HTR1F: variants seen among roughly 807,000 people sequenced by gnomAD.
HTR1F encodes the protein 5-hydroxytryptamine (serotonin) receptor 1F, G protein-coupled.
Under a neutral mutation model 24.0 loss-of-function variants are expected in HTR1F, and 17 were observed. The ratio of observed to expected loss-of-function variants is 0.71; its 90% CI spans 0.48 to 1.06. HTR1F has a LOEUF of 1.06. Ranked by LOEUF, HTR1F falls within the 50% of genes least tolerant of loss-of-function variation. The pLI is 0.00. For synonymous variants in HTR1F, 186 were observed against 156.8 expected, an observed-to-expected ratio of 1.19 and a Z score of -1.39; for missense variants, 391 against 427.8, an observed-to-expected ratio of 0.91 and a Z score of 0.76.
At chr3:87,892,390 A>C (rs1706104427) in intron 2 of HTR1F, among the ~76,000 whole-genome samples, 1 of 149,494 alleles carries the variant, frequency 6.7e-6, no homozygotes, top group African/African-American at 2.4e-5. Flanking sequence ...AAAATTTTTC[A>C]GTTTAATATC....
At chr3:87,805,942 T>A (rs1467884899) in intron 1 of HTR1F, among the ~76,000 whole-genome samples, 1 of 152,104 alleles carries the variant, frequency 6.6e-6, no homozygotes, top group Non-Finnish European at 1.5e-5. Flanking sequence ...TTGCCCCATT[T>A]ACATGCACAT....
chr3:87,840,225 G>A (rs1337099654), intron 2 of HTR1F, among the ~76,000 whole-genome samples: 1 of 151,970 alleles, frequency 6.6e-6, no homozygotes, highest in African/African-American at 2.4e-5. Flanking sequence ...TTGTTGACTT[G>A]TTTAAGACCC....
intron 2 of HTR1F, among the ~76,000 whole-genome samples, chr3:87,957,801 C>A (rs1704976863): frequency 6.6e-6 from 1 of 151,182 alleles, no homozygotes; most frequent in Non-Finnish European, 1.5e-5. Context: ...AGTCTAATTA[C>A]TGATTAAAAG....
intron 2 of HTR1F, among the ~76,000 whole-genome samples, chr3:87,963,383 CAAG>C (rs998911876): frequency 6.6e-6 from 1 of 152,068 alleles, no homozygotes; most frequent in Non-Finnish European, 1.5e-5. Flanking sequence ...TTATATTAGT[CAAG>C]AAGAAGATGC....
intron 2 of HTR1F, among the ~76,000 whole-genome samples, chr3:87,915,404 C>A (rs1703871384): frequency 6.6e-6 from 1 of 152,054 alleles, no homozygotes; most frequent in Non-Finnish European, 1.5e-5. Flanking sequence ...TTAAGCTAAT[C>A]AGGGAAGCAC....
rs111991118 is a variant in HTR1F, at chr3:87,798,688, C to T, written c.-160+5846C>T. Among the ~76,000 whole-genome samples the T allele has an allele frequency of 4.0e-3, 602 of 152,250 alleles. 7 individuals carry two copies. The highest frequency in any genetic ancestry group is 0.014 in the African/African-American group (571 of 41,542). The stretch of plus-strand genomic sequence containing the variant: ...AGGCCGGATTCCACTCCCACGATCC[C>T]ATGAAACTACTTTGGCAATAGTCAC... On this transcript the variant is annotated intron_variant, in intron 1 of 2. Transcript: ENST00000319595.
intron 2 of HTR1F, among the ~76,000 whole-genome samples, chr3:87,930,414 G>A (rs1237493847): frequency 6.6e-6 from 1 of 152,180 alleles, no homozygotes; most frequent in Non-Finnish European, 1.5e-5. Flanking sequence ...GATGTTGGCT[G>A]TGGGTTTGTC....
At chr3:87,872,895 T>C (rs76405889) in intron 2 of HTR1F, among the ~76,000 whole-genome samples, 1 of 152,030 alleles carries the variant, frequency 6.6e-6, no homozygotes, top group African/African-American at 2.4e-5. Flanking sequence ...CTTCTCTAAC[T>C]CTCCAAAAAA....
At chr3:87,841,115 T>G (rs1477967225) in intron 2 of HTR1F, among the ~76,000 whole-genome samples, 3 of 151,412 alleles carry the variant, frequency 2.0e-5, no homozygotes, top group Non-Finnish European at 3.0e-5. Context: ...TTTGAGATCA[T>G]ACATATGCTT....
chr3:87,960,107 A>G (rs1325571403), intron 2 of HTR1F, among the ~76,000 whole-genome samples: 10 of 145,874 alleles, frequency 6.9e-5, no homozygotes, highest in Admixed American at 4.7e-4. Flanking sequence ...TAAAATCCCA[A>G]CGCCTCTGCC....
At chr3:87,869,018 G>T (rs912979234) in intron 2 of HTR1F, among the ~76,000 whole-genome samples, 1 of 151,876 alleles carries the variant, frequency 6.6e-6, no homozygotes, top group Admixed American at 6.6e-5. Flanking sequence ...TTCAAATGTT[G>T]CTATTATACA....
At position 87,978,185 on chromosome 3, in the gene HTR1F, A is replaced by G. The variant is rs116226004; in HGVS notation, c.-42-12523A>G. ...GCACCCACCTCTGGATGAGGGGAAC[A>G]TGGTGGCACTCAGAAGGTTGAAGAC... On this transcript the variant is annotated intron_variant, in intron 2 of 2. Transcript: ENST00000319595. Among the ~76,000 whole-genome samples the G allele has an allele frequency of 7.5e-3, 1,145 of 152,266 alleles. 17 individuals are homozygous for G. Among genetic ancestry groups the G allele is most frequent in the African/African-American group, 0.026 (1,071 of 41,560 alleles).
intron 2 of HTR1F, among the ~76,000 whole-genome samples, chr3:87,900,377 G>C (rs762985499): frequency 3.3e-5 from 5 of 152,200 alleles, no homozygotes; most frequent in Non-Finnish European, 7.3e-5. Flanking sequence ...GGAGCTGAGT[G>C]GATGAAGGAA....
intron 2 of HTR1F, among the ~76,000 whole-genome samples, chr3:87,913,826 C>T (rs765234739): frequency 9.2e-5 from 14 of 152,224 alleles, no homozygotes; most frequent in South Asian, 2.1e-4. Context: ...GAAACTAACA[C>T]AGGAACAGAA....
At chr3:87,877,090 C>T (rs570236866) in intron 2 of HTR1F, among the ~76,000 whole-genome samples, 61 of 152,070 alleles carry the variant, frequency 4.0e-4, no homozygotes, top group African/African-American at 1.4e-3. Context: ...CTATTTATTT[C>T]AGCTAAAATA....
At chr3:87,973,992 A>C (rs1386879942) in intron 2 of HTR1F, among the ~76,000 whole-genome samples, 1 of 152,216 alleles carries the variant, frequency 6.6e-6, no homozygotes, top group Non-Finnish European at 1.5e-5. Context: ...ATTACACATG[A>C]CCAGCACCCA....
At position 87,991,491 on chromosome 3, in the gene HTR1F, GA is replaced by G; in HGVS notation, c.746del (p.Lys249SerfsTer17). On this transcript the variant is annotated frameshift_variant, in exon 3 of 3. Coordinates refer to ENST00000319595, the MANE Select transcript of HTR1F (RefSeq NM_001322209.2). LOFTEE classifies it high-confidence loss of function. ...ATCAGTTTCCACATCCTATGTACTAGAAAAGTCTTTATCTGACCCATCAACA... is the reference window on the plus strand; with the variant it reads ...ATCAGTTTCCACATCCTATGTACTAGAAAGTCTTTATCTGACCCATCAACA... ...TKSVSTSYVL[E>X]KSLSDPSTDF... 6.2e-7 allele frequency: 1 copy of G among 1,614,082 alleles called. No individual in the cohort carries two copies. Among genetic ancestry groups the G allele is most frequent in the Non-Finnish European group, 8.5e-7 (1 of 1,180,002 alleles).
At chr3:87,851,223 C>A (rs1296482128) in intron 2 of HTR1F, among the ~76,000 whole-genome samples, 1 of 151,578 alleles carries the variant, frequency 6.6e-6, no homozygotes, top group Non-Finnish European at 1.5e-5. Context: ...TTTTGCAATT[C>A]TCTTTTTTCA....
At chr3:87,978,740 C>G (rs530064299) in intron 2 of HTR1F, among the ~76,000 whole-genome samples, 32 of 150,980 alleles carry the variant, frequency 2.1e-4, no homozygotes, top group African/African-American at 7.1e-4. Context: ...GAAGTGAGTG[C>G]TGATTGGTTT....
Sources: gnomAD v4.1 joint callset for allele counts (sites outside exome capture counted in the v4.1 genomes callset) on GRCh38, gnomAD v4.1.1 for gene constraint, MANE v1.5 for transcripts, NCBI Gene and HGNC (gene_info 2026-07-23, HGNC 2026-07-21) for gene names.